Variants in TCERG1L observed in about 807,000 individuals in gnomAD.
TCERG1L encodes transcription elongation regulator 1-like protein.
TCERG1L carries 37 observed loss-of-function variants against 56.3 expected under a neutral mutation model. The observed-to-expected ratio is 0.66, with a 90% CI of 0.51 to 0.87. The LOEUF (loss-of-function observed/expected upper bound fraction) is 0.87, where lower values mean the gene tolerates loss of function less well. TCERG1L is among the 40% of genes least tolerant of loss of function. The pLI is 0.00. For missense variants in TCERG1L, 799 were observed against 774.2 expected, an observed-to-expected ratio of 1.03 and a Z score of -0.38; for synonymous variants, 324 against 326.3, an observed-to-expected ratio of 0.99 and a Z score of 0.08.
intron 4 of TCERG1L, among the ~76,000 whole-genome samples, chr10:131,171,638 A>C (rs1846093648): frequency 6.6e-6 from 1 of 152,180 alleles, no homozygotes; most frequent in Admixed American, 6.5e-5. Flanking sequence ...GAGTGGGTTC[A>C]CTGCAACCTT....
At chr10:131,139,355 C>G (rs1207071842) in intron 7 of TCERG1L, among the ~76,000 whole-genome samples, 1 of 152,188 alleles carries the variant, frequency 6.6e-6, no homozygotes, top group African/African-American at 2.4e-5. Context: ...ACCCAGATGT[C>G]CATCCAAGAG....
intron 4 of TCERG1L, among the ~76,000 whole-genome samples, chr10:131,168,103 T>C (rs566825291): frequency 6.6e-6 from 1 of 152,286 alleles, no homozygotes; most frequent in African/African-American, 2.4e-5. Context: ...GTATGCTCCT[T>C]CCTGGTAGAC....
In TCERG1L at chr10:131,223,300, G is replaced by A. The variant is rs879850936; in HGVS notation, c.856+36959C>T. Among the ~76,000 whole-genome samples the A allele has an allele frequency of 8.5e-5, 13 of 152,314 alleles. No individual in the cohort carries two copies. The East Asian group carries it at 2.5e-3, about 29-fold the overall frequency. On this transcript the variant is annotated intron_variant, in intron 4 of 11. Transcript: ENST00000368642. ...CCAGCCGTGTCCCCACCCTGGTGCA[G>A]ACCCCAATCCAGGCGTCAAGGTGGA...
chr10:131,226,742 G>A (rs995048396), intron 4 of TCERG1L, among the ~76,000 whole-genome samples: 1 of 152,266 alleles, frequency 6.6e-6, no homozygotes, highest in Non-Finnish European at 1.5e-5. Context: ...GTTTAGAAGT[G>A]TAAACGCCCA....
chr10:131,154,018 G>A (rs752157052), intron 6 of TCERG1L, among the ~76,000 whole-genome samples: 15 of 152,272 alleles, frequency 9.9e-5, no homozygotes, highest in Admixed American at 6.5e-4. Context: ...TCCACTGGAC[G>A]GGGCCAGCTG....
chr10:131,218,931 G>A (rs960202754), intron 4 of TCERG1L, among the ~76,000 whole-genome samples: 1 of 152,042 alleles, frequency 6.6e-6, no homozygotes. Flanking sequence ...AGCAAATCTG[G>A]TCACAGCTCC....
At chr10:131,107,761 AC>A (rs1845368105) in intron 9 of TCERG1L, among the ~76,000 whole-genome samples, 1 of 152,124 alleles carries the variant, frequency 6.6e-6, no homozygotes, top group Admixed American at 6.6e-5. Flanking sequence ...AAGCACACAC[AC>A]CACACATACA....
intron 4 of TCERG1L, among the ~76,000 whole-genome samples, chr10:131,196,202 C>T (rs1186664420): frequency 1.3e-5 from 2 of 152,226 alleles, no homozygotes; most frequent in Non-Finnish European, 2.9e-5. Flanking sequence ...CAGATGAGAT[C>T]GGACTTCCGC....
At chr10:131,208,149 C>T (rs1845564267) in intron 4 of TCERG1L, among the ~76,000 whole-genome samples, 2 of 152,168 alleles carry the variant, frequency 1.3e-5, no homozygotes. Context: ...GTCAATATGA[C>T]CGTCACTAGT....
chr10:131,306,138 G>C (rs1243262621), intron 3 of TCERG1L, among the ~76,000 whole-genome samples: 1 of 151,994 alleles, frequency 6.6e-6, no homozygotes, highest in African/African-American at 2.4e-5. Flanking sequence ...ACTTGTCCCC[G>C]TTCTTATCCC....
intron 8 of TCERG1L, among the ~76,000 whole-genome samples, chr10:131,125,553 A>G (rs941219336): frequency 1.3e-5 from 2 of 152,228 alleles, no homozygotes; most frequent in Non-Finnish European, 2.9e-5. Context: ...AAACTTTGAA[A>G]GATCTGTATT....
intron 3 of TCERG1L, among the ~76,000 whole-genome samples, chr10:131,269,574 G>C (rs1173005738): frequency 6.6e-6 from 1 of 152,180 alleles, no homozygotes; most frequent in Non-Finnish European, 1.5e-5. Context: ...CTGGTTGGTG[G>C]AGCAGTTAGA....
intron 8 of TCERG1L, among the ~76,000 whole-genome samples, chr10:131,121,137 C>G (rs569579507): frequency 2.0e-4 from 31 of 152,262 alleles, no homozygotes; most frequent in Middle Eastern, 6.8e-3. Context: ...GGCTCCAAGA[C>G]AGAACATGAG....
chr10:131,093,367 C>T (rs761705631), intron 11 of TCERG1L, 49 bp from the exon 12 acceptor site: 6 of 1,590,278 alleles, frequency 3.8e-6, no homozygotes, highest in Admixed American at 1.7e-5. Flanking sequence ...GCAACTCTGG[C>T]CTCCCCAGAG....
intron 4 of TCERG1L, among the ~76,000 whole-genome samples, chr10:131,258,501 G>A (rs548140539): frequency 2.6e-4 from 39 of 152,282 alleles, no homozygotes; most frequent in African/African-American, 8.9e-4. Context: ...GTTGGGCCAC[G>A]CTGCTCACAG....
chr10:131,183,709 C>A lies in TCERG1L; in HGVS notation c.857-16824G>T, dbSNP rs182476595. Among the ~76,000 whole-genome samples the A allele has an allele frequency of 3.3e-5, 5 of 152,338 alleles. No individual in the cohort carries two copies. The East Asian group carries it at 9.6e-4, about 29-fold the overall frequency. On this transcript the variant is annotated intron_variant, in intron 4 of 11. Coordinates refer to ENST00000368642, the MANE Select transcript of TCERG1L (RefSeq NM_174937.4). ...GCCACTGACTCCCCCCTCATCTGAG[C>A]TCAGGGCCCAGGCTCTCTGGACACT...
chr10:131,310,991 G>A (rs948532802), intron 1 of TCERG1L, among the ~76,000 whole-genome samples: 6 of 152,220 alleles, frequency 3.9e-5, no homozygotes, highest in African/African-American at 1.4e-4. Context: ...GCGATGGACA[G>A]TGACCCCCGG....
chr10:131,245,346 TATG>T (rs1277335208), intron 4 of TCERG1L, among the ~76,000 whole-genome samples: 1 of 152,220 alleles, frequency 6.6e-6, no homozygotes, highest in African/African-American at 2.4e-5. Context: ...TGAGTTTGTT[TATG>T]ATAAATTATT....
chr10:131,311,322 G>A lies in TCERG1L; in HGVS notation c.314C>T (p.Ala105Val). The change falls in exon 1 of 12, where the codon GCG (alanine) becomes GTG (valine). Residue 105 changes from alanine to valine, a missense_variant. Transcript: ENST00000368642. This position sits in a 1 kb window ranked among gnomAD's most constrained non-coding sequence, Gnocchi z 4.0. ...SAPDSAAAAAAHPFPALHGQW... is the reference protein window; with the variant it reads ...SAPDSAAAAAVHPFPALHGQW... ...CCCGTGGAGCGCGGGGAAGGGGTGC[G>A]CGGCGGCGGCGGCGGCGGAGTCTGG... 8.9e-7 allele frequency: 1 copy of A among 1,120,418 alleles called. No homozygotes were observed. Among genetic ancestry groups the A allele is most frequent in the Non-Finnish European group, 1.1e-6 (1 of 905,476 alleles). 69.4% of individuals were successfully genotyped at this position (1,120,418 alleles called of 1,614,324 possible).
Sources: gnomAD v4.1 joint callset for allele counts (sites outside exome capture counted in the v4.1 genomes callset) on GRCh38, gnomAD v4.1.1 for gene constraint, Gnocchi (gnomAD v3.1) non-coding constraint, MANE v1.5 for transcripts, NCBI Gene and HGNC (gene_info 2026-07-23, HGNC 2026-07-21) for gene names.